TRIM2: variants seen among roughly 807,000 people sequenced by gnomAD.
The protein encoded by TRIM2 is tripartite motif containing 2.
TRIM2 carries 20 observed loss-of-function variants against 75.2 expected under a neutral mutation model. That is an observed-to-expected ratio of 0.27 (90% CI 0.19 to 0.39). The LOEUF (loss-of-function observed/expected upper bound fraction) is 0.39, where lower values mean the gene tolerates loss of function less well. Among genes scored for constraint, TRIM2 ranks in the 10% least tolerant of loss-of-function variants. The pLI is 1.00. For missense variants in TRIM2, 660 were observed against 990.8 expected (o/e 0.67, Z 4.48); for synonymous variants, 373 against 388.3 (o/e 0.96, Z 0.46).
intron 2 of TRIM2, among the ~76,000 whole-genome samples, chr4:153,275,287 T>C (rs889502333): frequency 6.6e-6 from 1 of 152,258 alleles, no homozygotes; most frequent in African/African-American, 2.4e-5. Flanking sequence ...GTTAAGTTGA[T>C]ACCTGTTGAG....
intron 6 of TRIM2, among the ~76,000 whole-genome samples, chr4:153,311,817 C>T (rs1766378177): frequency 6.6e-6 from 1 of 151,184 alleles, no homozygotes; most frequent in Non-Finnish European, 1.5e-5. Flanking sequence ...GCCTCAGCCT[C>T]CCAAAGTGCT....
Position 153,335,785 on chromosome 4 carries a change from TAGTC to T in TRIM2, c.*821_*824del, listed in dbSNP as rs1772381698. ...TGCACTGGAATGTAATCAAGAAAGT[TAGTC>T]ATGTTTTATGTACCATGTTTTCACA... On this transcript the variant is annotated 3_prime_UTR_variant, in exon 12 of 12. Coordinates refer to ENST00000338700, the MANE Select transcript of TRIM2 (RefSeq NM_015271.5). 1.0e-6 allele frequency: 1 copy of T among 985,506 alleles called. No homozygotes were observed. The highest frequency in any genetic ancestry group is 1.8e-5 in the African/African-American group (1 of 57,004). 61.0% of individuals were successfully genotyped at this position (985,506 alleles called of 1,614,324 possible). A position where few individuals can be genotyped will look rare whatever the true frequency, so the allele number is the denominator to read the frequency against.
intron 10 of TRIM2, among the ~76,000 whole-genome samples, chr4:153,327,023 ATT>A (rs1381775497): frequency 8.6e-5 from 13 of 151,708 alleles, no homozygotes; most frequent in Non-Finnish European, 1.9e-4. Context: ...CAAAATGACT[ATT>A]TGTAGGGCTT....
At chr4:153,235,232 C>G (rs537661312) in intron 1 of TRIM2, among the ~76,000 whole-genome samples, 1 of 152,064 alleles carries the variant, frequency 6.6e-6, no homozygotes, top group Non-Finnish European at 1.5e-5. Context: ...CACTCAAAGT[C>G]AGTTTGTTCC....
chr4:153,188,040 G>C (rs910223120), intron 1 of TRIM2, among the ~76,000 whole-genome samples: 1 of 152,230 alleles, frequency 6.6e-6, no homozygotes, highest in African/African-American at 2.4e-5. Flanking sequence ...AGAGAAAGAA[G>C]CAGCCAAGCT....
At chr4:153,272,046 G>T (rs1344442196) in intron 2 of TRIM2, among the ~76,000 whole-genome samples, 1 of 152,178 alleles carries the variant, frequency 6.6e-6, no homozygotes, top group African/African-American at 2.4e-5. Flanking sequence ...AATAGCTGGT[G>T]GTAGAGATTT....
At chr4:153,184,913 C>T (rs1732437293) in intron 1 of TRIM2, among the ~76,000 whole-genome samples, 1 of 152,158 alleles carries the variant, frequency 6.6e-6, no homozygotes, top group Non-Finnish European at 1.5e-5. Context: ...TACCACTGCA[C>T]TCCAGCCTGG....
At chr4:153,304,833 G>A (rs1764650143) in intron 6 of TRIM2, among the ~76,000 whole-genome samples, 1 of 152,210 alleles carries the variant, frequency 6.6e-6, no homozygotes, top group South Asian at 2.1e-4. Flanking sequence ...GGAAACCATA[G>A]TTATTATACA....
intron 3 of TRIM2, among the ~76,000 whole-genome samples, chr4:153,276,873 C>T (rs1165930070): frequency 6.6e-6 from 1 of 152,114 alleles, no homozygotes; most frequent in South Asian, 2.1e-4. Flanking sequence ...ATAGTATTTA[C>T]CATATAGAAT....
chr4:153,317,693 T>C (rs1767994656), intron 8 of TRIM2, among the ~76,000 whole-genome samples: 1 of 150,524 alleles, frequency 6.6e-6, no homozygotes, highest in African/African-American at 2.4e-5. Context: ...CTGGGCATGG[T>C]GGCTCATGCC....
chr4:153,167,402 C>T (rs1351663817), intron 1 of TRIM2, among the ~76,000 whole-genome samples: 2 of 152,088 alleles, frequency 1.3e-5, no homozygotes, highest in Non-Finnish European at 2.9e-5. Flanking sequence ...AACAAATAAC[C>T]CATTGAAAAA....
In TRIM2 at chr4:153,293,047, C is replaced by T. The variant is rs114900176; in HGVS notation, c.519C>T (p.His173=). The change falls in exon 4 of 12, where the codon CAC becomes CAT. Residue 173 remains histidine, a synonymous_variant. Transcript: ENST00000338700. ...GTCGGGAGTGCACGGAGGGGGAGCA[C>T]GCAGAGCACCCCACAGTTCCACTCA... is the stretch of plus-strand genomic sequence containing the variant. ...AMCRECTEGE[H]AEHPTVPLKD... 95 of 1,613,846 alleles carry T rather than the reference C, an allele frequency of 5.9e-5. No homozygotes were observed. Among genetic ancestry groups the T allele is most frequent in the South Asian group, 1.2e-4 (11 of 91,056 alleles).
chr4:153,180,678 A>G (rs1731961716), intron 1 of TRIM2, among the ~76,000 whole-genome samples: 1 of 152,108 alleles, frequency 6.6e-6, no homozygotes. Context: ...GTGTTTCGCC[A>G]TGTTGGCCAG....
chr4:153,195,255 A>C (rs1733648607), intron 1 of TRIM2, among the ~76,000 whole-genome samples: 1 of 152,144 alleles, frequency 6.6e-6, no homozygotes, highest in Admixed American at 6.5e-5. Context: ...ACGGTGGCTG[A>C]GGCCTGTAAT....
At chr4:153,294,665 C>T (rs750799683) in intron 5 of TRIM2, among the ~76,000 whole-genome samples, 180 bp downstream of exon 5, 1 of 152,188 alleles carries the variant, frequency 6.6e-6, no homozygotes, top group Non-Finnish European at 1.5e-5. Flanking sequence ...TTCGATGACT[C>T]TGTGACTTTA....
intron 1 of TRIM2, among the ~76,000 whole-genome samples, chr4:153,221,492 G>C (rs1440935172): frequency 6.6e-6 from 1 of 152,122 alleles, no homozygotes; most frequent in Admixed American, 6.5e-5. Flanking sequence ...TTCGTTTCCT[G>C]CTTCTATGTT....
chr4:153,194,856 CT>C (rs1440681402), intron 1 of TRIM2, among the ~76,000 whole-genome samples: 1 of 152,100 alleles, frequency 6.6e-6, no homozygotes, highest in African/African-American at 2.4e-5. Context: ...CTTATTTTCC[CT>C]TTAGGGATTG....
At chr4:153,252,225 A>G (rs73854617) in intron 1 of TRIM2, among the ~76,000 whole-genome samples, 249 of 152,268 alleles carry the variant, frequency 1.6e-3, no homozygotes, top group African/African-American at 5.8e-3. Context: ...AGTTGGTTAT[A>G]TCTATCTCAC....
At chr4:153,260,613 C>G (rs1476936684) in intron 1 of TRIM2, among the ~76,000 whole-genome samples, 3 of 151,342 alleles carry the variant, frequency 2.0e-5, no homozygotes, top group African/African-American at 7.3e-5. Context: ...TGGACACACC[C>G]TGCCTGAAGA....
Sources: allele counts gnomAD v4.1 joint callset (sites outside exome capture counted in the v4.1 genomes callset), GRCh38; gene constraint gnomAD v4.1.1; transcripts MANE v1.5; gene names NCBI Gene and HGNC (gene_info 2026-07-23, HGNC 2026-07-21).